DENND4A: variants seen among roughly 807,000 people sequenced by gnomAD.
The protein encoded by DENND4A is C-myc promoter-binding protein.
DENND4A carries 70 observed loss-of-function variants against 199.3 expected under a neutral mutation model. That is an observed-to-expected ratio of 0.35 (90% CI 0.29 to 0.43). The LOEUF (loss-of-function observed/expected upper bound fraction) is 0.43. DENND4A is among the 20% of genes least tolerant of loss of function. The probability of loss-of-function intolerance (pLI) is 1.00; values close to 1 mark genes in which losing one functional copy is unlikely to be tolerated. For missense variants in DENND4A, 1,723 were observed against 2,255.8 expected, an observed-to-expected ratio of 0.76 and a Z score of 4.78; for synonymous variants, 686 against 766.9, an observed-to-expected ratio of 0.89 and a Z score of 1.74.
chr15:65,764,586 G>A (rs568299120), intron 1 of DENND4A, among the ~76,000 whole-genome samples: 4 of 152,024 alleles, frequency 2.6e-5, no homozygotes, highest in Admixed American at 6.5e-5. Flanking sequence ...AGCAGAGATC[G>A]TGCCACTGCA....
intron 12 of DENND4A, among the ~76,000 whole-genome samples, chr15:65,718,290 G>A (rs1392102193): frequency 6.6e-6 from 1 of 152,126 alleles, no homozygotes; most frequent in African/African-American, 2.4e-5. Flanking sequence ...AAGGCAGGAG[G>A]ATCACTTGAG....
chr15:65,781,237 T>C (rs192540136), intron 1 of DENND4A, among the ~76,000 whole-genome samples: 1 of 152,300 alleles, frequency 6.6e-6, no homozygotes, highest in African/African-American at 2.4e-5. Context: ...CAGAAATTAC[T>C]AGAGTTAAGA....
chr15:65,709,713 A>T lies in DENND4A; in HGVS notation c.1954-3489T>A, dbSNP rs1339725371. On this transcript the variant is annotated intron_variant, in intron 14 of 32. Transcript: ENST00000443035. ...TCCATCTCAAAAAAAAAAAAAAAAA[A>T]AAAAAAATATATATATATATATATA... Among the ~76,000 whole-genome samples the T allele has an allele frequency of 1.7e-3, 190 of 112,232 alleles. 4 individuals are homozygous for T. In the East Asian group the frequency reaches 0.074, roughly 43 times the overall value. 73.6% of individuals were successfully genotyped at this position (112,232 alleles called of 152,430 possible).
At chr15:65,671,163 A>G (rs1309082668) in intron 25 of DENND4A, among the ~76,000 whole-genome samples, 1 of 152,206 alleles carries the variant, frequency 6.6e-6, no homozygotes, top group East Asian at 1.9e-4. Context: ...ATTATGTGAA[A>G]TAAACACTCA....
rs751127651 is a variant in DENND4A at position 65,660,396 on chromosome 15, C to T, written c.*1455G>A. Reference sequence around the variant, plus strand: ...CTCAGGACTCCAAGATACCTCCAGTCCAAGTGTCGTGGACTCTACTGGCTT... The same window carrying T: ...CTCAGGACTCCAAGATACCTCCAGTTCAAGTGTCGTGGACTCTACTGGCTT... On this transcript the variant is annotated 3_prime_UTR_variant, in exon 33 of 33. Coordinates refer to ENST00000443035, the MANE Select transcript of DENND4A (RefSeq NM_001320835.1). 20 of 1,156,140 alleles carry T rather than the reference C, an allele frequency of 1.7e-5. No individual in the cohort carries two copies. The highest frequency in any genetic ancestry group is 2.4e-5 in the Non-Finnish European group (19 of 804,008). 71.6% of individuals were successfully genotyped at this position (1,156,140 alleles called of 1,614,324 possible).
At chr15:65,787,854 A>G (rs2141014794) in intron 1 of DENND4A, among the ~76,000 whole-genome samples, 1 of 152,316 alleles carries the variant, frequency 6.6e-6, no homozygotes, top group South Asian at 2.1e-4. Context: ...TTGTAATCTC[A>G]GTAACTAGCA....
intron 2 of DENND4A, 114 bp from the exon 3 acceptor site, chr15:65,756,586 CA>C: frequency 3.1e-6 from 2 of 648,912 alleles, no homozygotes; most frequent in Non-Finnish European, 5.2e-6. Context: ...CCTTGATAAA[CA>C]CAGTAGCATT....
intron 1 of DENND4A, 111 bp from the exon 2 acceptor site, chr15:65,761,549 T>C (rs1218204407): frequency 2.0e-5 from 3 of 152,210 alleles, no homozygotes; most frequent in Non-Finnish European, 4.4e-5. Context: ...ACTAAACTGA[T>C]TGCATTTATT....
chr15:65,785,403 T>C lies in DENND4A; in HGVS notation c.-102+6607A>G, dbSNP rs1244851549. Among the ~76,000 whole-genome samples, 4 of 148,892 alleles carry C rather than the reference T, an allele frequency of 2.7e-5. No individual in the cohort carries two copies. The East Asian group carries it at 7.9e-4, about 29-fold the overall frequency. Reference sequence around the variant, plus strand: ...TACTCGGGAGGCTGTGGTAGGAGGATCATTTGAGCCCAAGGGGTTGAGGTT... The same window carrying C: ...TACTCGGGAGGCTGTGGTAGGAGGACCATTTGAGCCCAAGGGGTTGAGGTT... On this transcript the variant is annotated intron_variant, in intron 1 of 32. Coordinates refer to ENST00000443035, the MANE Select transcript of DENND4A (RefSeq NM_001320835.1).
intron 5 of DENND4A, 62 bp downstream of exon 5, chr15:65,741,653 T>G: frequency 6.9e-7 from 1 of 1,439,710 alleles, no homozygotes; most frequent in African/African-American, 1.4e-5. Context: ...TTCTTTACTT[T>G]AACCTTTCCG....
At chr15:65,771,591 C>G (rs2077127678) in intron 1 of DENND4A, 1 of 1,612,818 alleles carries the variant, frequency 6.2e-7, no homozygotes, top group Non-Finnish European at 8.5e-7. Context: ...TCTCCTCTTT[C>G]CTCTTCTCTT....
At chr15:65,741,626 A>T in intron 5 of DENND4A, 89 bp downstream of exon 5, 2 of 1,049,368 alleles carry the variant, frequency 1.9e-6, no homozygotes, top group East Asian at 4.8e-5. Context: ...CCTGATACTA[A>T]CACAGACTAG....
At chr15:65,790,059 C>A (rs553096523) in intron 1 of DENND4A, among the ~76,000 whole-genome samples, 99 of 152,146 alleles carry the variant, frequency 6.5e-4, no homozygotes, top group Non-Finnish European at 1.4e-3. Context: ...TTTTACAATT[C>A]TATTAATCCC....
chr15:65,737,840 T>C lies in DENND4A; in HGVS notation c.907A>G (p.Ser303Gly). The C allele has an allele frequency of 6.2e-7, 1 of 1,603,990 alleles. No individual in the cohort carries two copies. The highest frequency in any genetic ancestry group is 1.1e-5 in the South Asian group (1 of 89,076). Residue 303 changes from serine (S) to glycine (G), a missense_variant, in exon 7 of 33, where the codon AGT (serine) becomes GGT (glycine). By Grantham distance (56) the Ser-to-Gly change is moderately conservative (BLOSUM62 0). Transcript: ENST00000443035. ...GLTSADGKSD[S>G]SKTIHTNKCI... ...TTGTTAGTATGAATTGTTTTGGAACTATCAGACTTCCCATCTGCTGATGTT... is the reference window on the plus strand; with the variant it reads ...TTGTTAGTATGAATTGTTTTGGAACCATCAGACTTCCCATCTGCTGATGTT...
chr15:65,751,455 G>C (rs755346078), intron 4 of DENND4A, among the ~76,000 whole-genome samples: 1 of 152,156 alleles, frequency 6.6e-6, no homozygotes, highest in Non-Finnish European at 1.5e-5. Flanking sequence ...TGATGAATTA[G>C]AGAAGTCCAG....
At chr15:65,773,467 A>G (rs1460627436) in intron 1 of DENND4A, among the ~76,000 whole-genome samples, 1 of 152,204 alleles carries the variant, frequency 6.6e-6, no homozygotes, top group African/African-American at 2.4e-5. Flanking sequence ...CAAGAAGGAC[A>G]CACAGCTTAG....
intron 11 of DENND4A, 70 bp downstream of exon 11, chr15:65,729,002 A>T: frequency 7.2e-7 from 1 of 1,384,000 alleles, no homozygotes; most frequent in Non-Finnish European, 1.0e-6. Flanking sequence ...AACAATCATA[A>T]AATATACAGT....
intron 22 of DENND4A, among the ~76,000 whole-genome samples, chr15:65,693,537 T>C (rs1022274189): frequency 1.3e-5 from 2 of 151,936 alleles, no homozygotes; most frequent in African/African-American, 4.8e-5. Context: ...TCTCAGATCT[T>C]TGAACACGCT....
Position 65,700,654 on chromosome 15 carries a change from G to A in DENND4A, c.2723C>T (p.Ala908Val). 1.3e-6 allele frequency: 2 copies of A among 1,542,694 alleles called. No homozygotes were observed. Among genetic ancestry groups the A allele is most frequent in the South Asian group, 1.2e-5 (1 of 82,230 alleles). ...ACTATCCATGCTGCCATGACTAACAGCATCCAGGTCACTGCCATCTGCTTA... is the reference window on the plus strand; with the variant it reads ...ACTATCCATGCTGCCATGACTAACAACATCCAGGTCACTGCCATCTGCTTA... ...TLSADGSDLD[A>V]VSHGSMDSGH... Residue 908 changes from alanine to valine, a missense_variant, in exon 20 of 33, where the codon GCT becomes GTT. Physicochemically the swap from Ala to Val is moderately conservative, Grantham distance 64. This residue lies in a region of DENND4A where 650 missense variants were observed against 738.1 expected (regional missense o/e 0.88). Coordinates refer to ENST00000443035, the MANE Select transcript of DENND4A (RefSeq NM_001320835.1).
Sources: gnomAD v4.1 joint callset for allele counts (sites outside exome capture counted in the v4.1 genomes callset) on GRCh38, gnomAD v4.1.1 for gene constraint, gnomAD v4.1.1 regional missense constraint, MANE v1.5 for transcripts, NCBI Gene and HGNC (gene_info 2026-07-23, HGNC 2026-07-21) for gene names.